The following ATP7A variants were observed in gnomAD, a reference collection of about 807,000 sequenced individuals.
The protein encoded by ATP7A is ATPase copper transporting alpha.
In ATP7A, 7 loss-of-function variants were observed where a neutral mutation model predicts 83.5. That is an observed-to-expected ratio of 0.08 (90% CI 0.05 to 0.16). ATP7A has a LOEUF of 0.16. Among genes scored for constraint, ATP7A ranks in the 10% least tolerant of loss-of-function variants. ATP7A has a pLI of 1.00. For synonymous variants in ATP7A, 354 were observed against 395.2 expected (o/e 0.90, Z 1.24); for missense variants, 940 against 1,120.8 (o/e 0.84, Z 2.30).
rs150696040 is a variant in ATP7A, at chrX:77,950,477, G to A, written c.-21-21144G>A. On this transcript the variant is annotated intron_variant, in intron 1 of 22. Transcript: ENST00000341514. ...TATCCTATTATAAAAAATTTAGATC[G>A]TTTCCAGTTTTGTTCTGTTTTAAGC... Among the ~76,000 whole-genome samples the A allele has an allele frequency of 7.6e-4, 85 of 111,713 alleles. 1 individual carries two copies. The East Asian group carries it at 0.021, about 28-fold the overall frequency.
chrX:77,939,385 C>G (rs781822082), intron 1 of ATP7A, among the ~76,000 whole-genome samples: 1 of 111,001 alleles, frequency 9.0e-6, no homozygotes, highest in Non-Finnish European at 1.9e-5. Context: ...CATTATCCCT[C>G]CATTTATTTC....
rs372389715 is a variant in ATP7A at position 77,989,531 on chromosome X, A to G, written c.909A>G (p.Gln303=). 15 of 1,211,621 alleles carry G rather than the reference A, an allele frequency of 1.2e-5. No individual in the cohort carries two copies. The highest frequency in any genetic ancestry group is 1.6e-5 in the Non-Finnish European group (14 of 895,183). Reference sequence around the variant, plus strand: ...TTGAAAGTACTTTATCTGCACTCCAATATGTAAGCAGCATAGTAGTTTCTT... The same window carrying G: ...TTGAAAGTACTTTATCTGCACTCCAGTATGTAAGCAGCATAGTAGTTTCTT... ...SNIESTLSAL[Q]YVSSIVVSLE... is the part of the protein sequence containing the mutation. Residue 303 remains glutamine (Q), a synonymous_variant, in exon 4 of 23, where the codon CAA becomes CAG. Coordinates refer to ENST00000341514, the MANE Select transcript of ATP7A (RefSeq NM_000052.7).
chrX:77,964,579 C>G (rs1342894421), intron 1 of ATP7A: 2 of 109,700 alleles, frequency 1.8e-5, no homozygotes, highest in African/African-American at 3.3e-5. Context: ...ATCCCCACCC[C>G]CCGACAGGCC....
rs113766162 is a variant in ATP7A, at chrX:78,027,192, A to C, written c.2917-2058A>C. The stretch of plus-strand genomic sequence containing the variant: ...TCTCTGTTCCTGATGACATGATTCT[A>C]TACCTAGAAAACCATAAAGATTTCT... On this transcript the variant is annotated intron_variant, in intron 14 of 22. Coordinates refer to ENST00000341514, the MANE Select transcript of ATP7A (RefSeq NM_000052.7). 2.7e-3 allele frequency among the ~76,000 whole-genome samples: 299 copies of C among 110,937 alleles called. 3 individuals are homozygous for C. Among genetic ancestry groups the C allele is most frequent in the African/African-American group, 9.2e-3 (281 of 30,530 alleles).
chrX:78,007,389 G>C (rs183006129), intron 6 of ATP7A, among the ~76,000 whole-genome samples: 1 of 110,497 alleles, frequency 9.1e-6, no homozygotes, highest in African/African-American at 3.3e-5. Flanking sequence ...GCAGTGGCGC[G>C]ATCTTGGCTC....
intron 1 of ATP7A, among the ~76,000 whole-genome samples, chrX:77,939,662 T>A (rs1557225433): frequency 9.0e-6 from 1 of 110,775 alleles, no homozygotes; most frequent in Admixed American, 9.6e-5. Flanking sequence ...TCTTGAAACA[T>A]CCACTCTAAT....
chrX:77,967,992 G>A (rs782721181), intron 1 of ATP7A, among the ~76,000 whole-genome samples: 1 of 110,674 alleles, frequency 9.0e-6, no homozygotes, highest in African/African-American at 3.3e-5. Flanking sequence ...ATACTGATCT[G>A]GTAAAAGGAT....
At chrX:77,952,789 C>CTTT (rs782435802) in intron 1 of ATP7A, among the ~76,000 whole-genome samples, 1 of 98,748 alleles carries the variant, frequency 1.0e-5, no homozygotes, top group Non-Finnish European at 2.1e-5. Flanking sequence ...TTTCTTTTTC[C>CTTT]TTTTTTTTTT....
At position 78,043,420 on chromosome X, in the gene ATP7A, T is replaced by C; in HGVS notation, c.4109T>C (p.Ile1370Thr). ...VFALIYNLVGIPIAAGVFMPI... is the reference protein window; with the variant it reads ...VFALIYNLVGTPIAAGVFMPI... ...GCTCTAATTTATAATCTGGTTGGAATTCCCATAGCTGCTGGTATGTGACTC... is the reference window on the plus strand; with the variant it reads ...GCTCTAATTTATAATCTGGTTGGAACTCCCATAGCTGCTGGTATGTGACTC... Residue 1370 changes from isoleucine to threonine, a missense_variant, in exon 21 of 23, where the codon ATT (isoleucine) becomes ACT (threonine). Ile to Thr is a moderately conservative substitution (Grantham distance 89, BLOSUM62 -1). Around this residue, in one of 3 missense-constraint regions of ATP7A, gnomAD observed 386 missense variants for 502.2 expected, o/e 0.77. Transcript: ENST00000341514. 8.3e-7 allele frequency: 1 copy of C among 1,199,809 alleles called. No homozygotes were observed. The highest frequency in any genetic ancestry group is 3.0e-5 in the East Asian group (1 of 33,708).
At position 78,046,349 on chromosome X, in the gene ATP7A, C is replaced by A; in HGVS notation, c.4282C>A (p.Gln1428Lys). ...YELPARSQIG[Q>K]KSPSEISVHV... ...ACTGCCTGCCCGGAGCCAGATAGGA[C>A]AGAAGAGTCCTTCAGAAATCAGCGT... The change falls in exon 23 of 23, where the codon CAG (glutamine) becomes AAG (lysine). Residue 1428 changes from glutamine (Q) to lysine (K), a missense_variant. Around this residue, in one of 3 missense-constraint regions of ATP7A, gnomAD observed 386 missense variants for 502.2 expected, o/e 0.77. Coordinates refer to ENST00000341514, the MANE Select transcript of ATP7A (RefSeq NM_000052.7). The A allele has an allele frequency of 8.3e-7, 1 of 1,211,338 alleles. No homozygotes were observed. The highest frequency in any genetic ancestry group is 1.8e-5 in the South Asian group (1 of 56,992).
At chrX:78,020,906 GCT>G (rs782756801) in intron 13 of ATP7A, 37 bp from the exon 14 acceptor site, 2 of 1,175,364 alleles carry the variant, frequency 1.7e-6, no homozygotes, top group East Asian at 6.0e-5. Flanking sequence ...ACTTTGATAT[GCT>G]TCTTCTTCTT....
intron 4 of ATP7A, among the ~76,000 whole-genome samples, chrX:77,995,432 G>A (rs965165528): frequency 9.2e-6 from 1 of 108,464 alleles, no homozygotes; most frequent in Non-Finnish European, 1.9e-5. Flanking sequence ...GCCGGGCGTG[G>A]TGGTGGGCGC....
At chrX:77,926,995 G>A (rs782429152) in intron 1 of ATP7A, among the ~76,000 whole-genome samples, 2 of 111,797 alleles carry the variant, frequency 1.8e-5, no homozygotes, top group African/African-American at 6.5e-5. Context: ...GAGCCACTGC[G>A]CCTGGCTCAC....
At chrX:78,044,985 A>T (rs1049940659) in intron 21 of ATP7A, among the ~76,000 whole-genome samples, 6 of 112,451 alleles carry the variant, frequency 5.3e-5, no homozygotes, top group Non-Finnish European at 1.1e-4. Context: ...CAAGTAATAT[A>T]TGATCACCAT....
At chrX:77,992,713 G>A (rs2077677111) in intron 4 of ATP7A, among the ~76,000 whole-genome samples, 1 of 110,118 alleles carries the variant, frequency 9.1e-6, no homozygotes, top group Non-Finnish European at 1.9e-5. Flanking sequence ...CCGGGTTCAA[G>A]CAATTCTCCT....
chrX:77,979,589 G>A (rs2077594047), intron 2 of ATP7A, among the ~76,000 whole-genome samples: 1 of 112,193 alleles, frequency 8.9e-6, no homozygotes, highest in Non-Finnish European at 1.9e-5. Context: ...TTAAGCCTCA[G>A]GTGCAGTTAA....
At chrX:78,009,002 C>T (rs2077797646) in intron 6 of ATP7A, 100 bp from the exon 7 acceptor site, 18 of 911,209 alleles carry the variant, frequency 2.0e-5, no homozygotes, top group South Asian at 1.3e-4. Context: ...GGCGACAGAG[C>T]GAGAGACTCT....
chrX:77,932,007 C>T (rs1404117113), intron 1 of ATP7A, among the ~76,000 whole-genome samples: 1 of 108,970 alleles, frequency 9.2e-6, no homozygotes, highest in Non-Finnish European at 1.9e-5. Context: ...CTGACCCCCC[C>T]ACCTCCCTCC....
At chrX:77,940,924 CTAGTGT>C (rs1450298431) in intron 1 of ATP7A, among the ~76,000 whole-genome samples, 2 of 111,861 alleles carry the variant, frequency 1.8e-5, no homozygotes, top group Non-Finnish European at 3.8e-5. Flanking sequence ...TCCTATACTG[CTAGTGT>C]AAGTGTGAAA....
Sources: gnomAD v4.1 joint callset for allele counts (sites outside exome capture counted in the v4.1 genomes callset) on GRCh38, gnomAD v4.1.1 for gene constraint, gnomAD v4.1.1 regional missense constraint, MANE v1.5 for transcripts, NCBI Gene and HGNC (gene_info 2026-07-23, HGNC 2026-07-21) for gene names.